Variants in SPOCK1 observed in about 807,000 individuals in gnomAD.
The protein encoded by SPOCK1 is SPARC (osteonectin), cwcv and kazal like domains proteoglycan 1.
A neutral mutation model predicts 55.3 loss-of-function variants in SPOCK1; 23 were observed. The observed-to-expected ratio is 0.42, with a 90% CI of 0.30 to 0.59. SPOCK1 has a LOEUF of 0.59. Ranked by LOEUF, SPOCK1 falls within the 20% of genes least tolerant of loss-of-function variation. SPOCK1 has a pLI of 0.22. For missense variants in SPOCK1, 499 were observed against 552.5 expected, an observed-to-expected ratio of 0.90 and a Z score of 0.97; for synonymous variants, 226 against 221.0, an observed-to-expected ratio of 1.02 and a Z score of -0.20.
At chr5:137,067,898 A>G in intron 5 of SPOCK1, 69 bp from the exon 6 acceptor site, 2 of 1,284,900 alleles carry the variant, frequency 1.6e-6, no homozygotes, top group Middle Eastern at 1.9e-4. Context: ...CCTCCTAAGA[A>G]ACAGCAGTGC....
At chr5:137,019,578 T>A (rs1420472726) in intron 6 of SPOCK1, among the ~76,000 whole-genome samples, 1 of 152,134 alleles carries the variant, frequency 6.6e-6, no homozygotes, top group Non-Finnish European at 1.5e-5. Flanking sequence ...GCGGTAAACA[T>A]CATCGTTGTG....
At chr5:137,135,379 T>C (rs1753963380) in intron 4 of SPOCK1, among the ~76,000 whole-genome samples, 1 of 152,238 alleles carries the variant, frequency 6.6e-6, no homozygotes, top group African/African-American at 2.4e-5. Flanking sequence ...AGAAAATCCC[T>C]GAGGGCAGAG....
chr5:137,193,938 A>C (rs1294900421), intron 3 of SPOCK1, among the ~76,000 whole-genome samples: 2 of 152,112 alleles, frequency 1.3e-5, no homozygotes, highest in African/African-American at 4.8e-5. Context: ...ATAGTGTGGA[A>C]ATTAGAATGG....
At chr5:137,153,878 A>AAAG (rs746685262) in intron 3 of SPOCK1, among the ~76,000 whole-genome samples, 1 of 151,940 alleles carries the variant, frequency 6.6e-6, no homozygotes, top group African/African-American at 2.4e-5. Context: ...AAAAACAAAA[A>AAAG]AAGAAGAAGA....
At chr5:136,982,938 C>G (rs1290483828) in intron 9 of SPOCK1, among the ~76,000 whole-genome samples, 1 of 151,852 alleles carries the variant, frequency 6.6e-6, no homozygotes, top group Non-Finnish European at 1.5e-5. Context: ...TAATTATTTC[C>G]CCTTGGCACT....
intron 4 of SPOCK1, 41 bp downstream of exon 4, chr5:137,140,539 G>C (rs1754074035): frequency 6.5e-7 from 1 of 1,540,308 alleles, no homozygotes; most frequent in African/African-American, 1.4e-5. Context: ...GCCAGCTGCA[G>C]AATGCCTCCC....
intron 4 of SPOCK1, among the ~76,000 whole-genome samples, chr5:137,128,980 G>C (rs1287657193): frequency 6.6e-6 from 1 of 152,142 alleles, no homozygotes; most frequent in African/African-American, 2.4e-5. Context: ...TCTCTCAAGT[G>C]GTACAAAAGT....
At chr5:137,184,250 C>T (rs1378616161) in intron 3 of SPOCK1, among the ~76,000 whole-genome samples, 1 of 152,196 alleles carries the variant, frequency 6.6e-6, no homozygotes, top group Non-Finnish European at 1.5e-5. Context: ...AATAAGCACA[C>T]AGTAGACATG....
Position 137,160,570 on chromosome 5 carries a change from ATTATATAATATATATAAT to A in SPOCK1, c.233-19894_233-19877del, listed in dbSNP as rs1410837109. Among the ~76,000 whole-genome samples the A allele has an allele frequency of 4.3e-3, 315 of 73,160 alleles. 3 individuals carry two copies. The highest frequency in any genetic ancestry group is 6.5e-3 in the Admixed American group (28 of 4,304). 48.0% of individuals were successfully genotyped at this position (73,160 alleles called of 152,430 possible). A position where few individuals can be genotyped will look rare whatever the true frequency, so the allele number is the denominator to read the frequency against. ...ATATAATATATATTATATATTATAT[ATTATATAATATATATAAT>A]ATATAATATATTATATATAATATAT... On this transcript the variant is annotated intron_variant, in intron 3 of 10. Coordinates refer to ENST00000394945, the MANE Select transcript of SPOCK1 (RefSeq NM_004598.4).
rs146759166 is a variant in SPOCK1, at chr5:137,173,721, A to G, written c.233-33027T>C. 1.4e-3 allele frequency among the ~76,000 whole-genome samples: 211 copies of G among 152,326 alleles called. 1 individual carries two copies. The highest frequency in any genetic ancestry group is 0.01 in the Middle Eastern group (3 of 294). On this transcript the variant is annotated intron_variant, in intron 3 of 10. Transcript: ENST00000394945. ...AGAACTTAAGGATCCTAAAAATTTC[A>G]GCCTATCTCTGCTCAGTGTACAAAT...
intron 2 of SPOCK1, among the ~76,000 whole-genome samples, chr5:137,444,485 A>G (rs1027047134): frequency 6.6e-6 from 1 of 152,222 alleles, no homozygotes; most frequent in Non-Finnish European, 1.5e-5. Context: ...CAGAATGGCC[A>G]GATGTGCTAA....
intron 2 of SPOCK1, among the ~76,000 whole-genome samples, chr5:137,474,618 A>G (rs1038856216): frequency 9.9e-5 from 15 of 152,212 alleles, no homozygotes; most frequent in African/African-American, 3.6e-4. Context: ...GGGAAATGCA[A>G]GATAAGCCTA....
At chr5:136,980,555 A>G (rs1165454173) in intron 9 of SPOCK1, among the ~76,000 whole-genome samples, 4 of 152,190 alleles carry the variant, frequency 2.6e-5, no homozygotes, top group East Asian at 3.9e-4. Flanking sequence ...ATGATAGTGA[A>G]TAAGTCTCAC....
intron 3 of SPOCK1, among the ~76,000 whole-genome samples, chr5:137,222,754 C>T (rs1369249380): frequency 6.6e-6 from 1 of 152,186 alleles, no homozygotes; most frequent in Admixed American, 6.5e-5. Flanking sequence ...ACCTACTGTG[C>T]TCCATGTACT....
chr5:137,150,801 G>A (rs768366391), intron 3 of SPOCK1, among the ~76,000 whole-genome samples: 6 of 152,144 alleles, frequency 3.9e-5, no homozygotes, highest in Non-Finnish European at 8.8e-5. Flanking sequence ...TGTAGGGAAA[G>A]CCTACCCCAG....
chr5:137,405,016 C>T (rs1316579743), intron 2 of SPOCK1, among the ~76,000 whole-genome samples: 1 of 152,174 alleles, frequency 6.6e-6, no homozygotes, highest in Non-Finnish European at 1.5e-5. Flanking sequence ...AGGTGATGCT[C>T]TTAATAAATA....
chr5:137,065,214 C>A (rs1424007169), intron 6 of SPOCK1, among the ~76,000 whole-genome samples: 2 of 107,502 alleles, frequency 1.9e-5, no homozygotes, highest in Admixed American at 1.4e-4. Context: ...GGTGACAGAG[C>A]GAGATTTCAT....
chr5:137,215,910 A>G (rs1755707955), intron 3 of SPOCK1, among the ~76,000 whole-genome samples: 1 of 152,248 alleles, frequency 6.6e-6, no homozygotes, highest in South Asian at 2.1e-4. Flanking sequence ...CAAAGAAACT[A>G]GTGTTTAAAG....
At chr5:137,448,754 TC>T (rs1271699587) in intron 2 of SPOCK1, among the ~76,000 whole-genome samples, 2 of 152,186 alleles carry the variant, frequency 1.3e-5, no homozygotes, top group Non-Finnish European at 2.9e-5. Flanking sequence ...ACTCCAAACA[TC>T]AGGTTCTCCG....
Sources: gnomAD v4.1 joint callset for allele counts (sites outside exome capture counted in the v4.1 genomes callset) on GRCh38, gnomAD v4.1.1 for gene constraint, MANE v1.5 for transcripts, NCBI Gene and HGNC (gene_info 2026-07-23, HGNC 2026-07-21) for gene names.